The following SFTPD variants were observed in gnomAD, a reference collection of about 807,000 sequenced individuals.
SFTPD encodes surfactant protein D.
A neutral mutation model predicts 34.6 loss-of-function variants in SFTPD; 18 were observed. The observed-to-expected ratio is 0.52, with a 90% CI of 0.36 to 0.77. SFTPD has a LOEUF of 0.77. SFTPD is among the 30% of genes least tolerant of loss of function. The pLI is 0.00. For synonymous variants in SFTPD, 155 were observed against 180.9 expected (o/e 0.86, Z 1.15); for missense variants, 433 against 468.9 (o/e 0.92, Z 0.71).
intron 1 of SFTPD, among the ~76,000 whole-genome samples, chr10:79,980,341 C>T (rs1359686582): frequency 2.6e-5 from 4 of 152,062 alleles, no homozygotes; most frequent in Non-Finnish European, 5.9e-5. Context: ...AATCCCAGGC[C>T]CTAGCTCCGA....
At chr10:79,977,237 G>T (rs759525089) in intron 1 of SFTPD, among the ~76,000 whole-genome samples, 2 of 152,176 alleles carry the variant, frequency 1.3e-5, no homozygotes, top group Non-Finnish European at 2.9e-5. Context: ...TCTGCAATTA[G>T]TGACCCTCAA....
chr10:79,939,853 C>T (rs1328526712), intron 7 of SFTPD, among the ~76,000 whole-genome samples: 4 of 152,038 alleles, frequency 2.6e-5, no homozygotes, highest in Non-Finnish European at 2.9e-5. Flanking sequence ...TCAGGAAAGG[C>T]GGAGGAGAGT....
intron 7 of SFTPD, among the ~76,000 whole-genome samples, 175 bp downstream of exon 7, chr10:79,940,530 A>G (rs1842600338): frequency 6.6e-6 from 1 of 152,062 alleles, no homozygotes; most frequent in East Asian, 1.9e-4. Context: ...ACCCCCTGCC[A>G]CAGTCCCAGG....
chr10:79,942,450 C>T lies in SFTPD; in HGVS notation c.371G>A (p.Gly124Glu), dbSNP rs1842623329. 1.9e-6 allele frequency: 3 copies of T among 1,613,494 alleles called. No homozygotes were observed. Among genetic ancestry groups the T allele is most frequent in the Non-Finnish European group, 2.5e-6 (3 of 1,179,616 alleles). Reference protein sequence around the residue: ...PGPAGREGPLGKQGNIGPQGK... With the variant: ...PGPAGREGPLEKQGNIGPQGK... ...CTGAGGTCCTATGTTCCCCTGCTTC[C>T]CCAGGGGACCTTCTCTTCCAGCTGG... Residue 124 changes from glycine to glutamate, a missense_variant, in exon 4 of 8, where the codon GGG (glycine) becomes GAG (glutamate). Gly to Glu is a moderately conservative substitution (Grantham distance 98). Coordinates refer to ENST00000372292, the MANE Select transcript of SFTPD (RefSeq NM_003019.5).
At chr10:79,953,140 G>A (rs906436188), upstream of SFTPD, among the ~76,000 whole-genome samples, 7 of 152,322 alleles carry the variant, frequency 4.6e-5, no homozygotes, top group Admixed American at 3.3e-4. Context: ...TTGTTCTGAG[G>A]AGAACTGGTG....
intron 7 of SFTPD, among the ~76,000 whole-genome samples, chr10:79,939,969 C>CTG (rs17878650): frequency 6.6e-6 from 1 of 151,278 alleles, no homozygotes; most frequent in African/African-American, 2.4e-5. Context: ...AGGGCAAAGT[C>CTG]TGCTTTAAAA....
rs1842625647 is a variant in SFTPD, at chr10:79,942,629, A to G, written c.317-125T>C. ...TGTTGTCCTCCCAACAGCAGGTCCC[A>G]TCTGTCCTGAAATGACCCAGTGCCA... On this transcript the variant is annotated intron_variant, in intron 3 of 7. Coordinates refer to ENST00000372292, the MANE Select transcript of SFTPD (RefSeq NM_003019.5). 2.5e-5 allele frequency: 23 copies of G among 915,648 alleles called. No individual in the cohort carries two copies. In the South Asian group the frequency reaches 3.2e-4, roughly 13 times the overall value. 56.7% of individuals were successfully genotyped at this position (915,648 alleles called of 1,614,324 possible).
intron 1 of SFTPD, among the ~76,000 whole-genome samples, chr10:79,954,855 C>A (rs187864819): frequency 5.6e-4 from 86 of 152,268 alleles, no homozygotes; most frequent in African/African-American, 1.9e-3. Flanking sequence ...GAGTCTAAAA[C>A]CCCTGGTGGC....
At chr10:79,953,420 G>A (rs201292336), upstream of SFTPD, among the ~76,000 whole-genome samples, 1 of 93,574 alleles carries the variant, frequency 1.1e-5, no homozygotes, top group African/African-American at 3.7e-5. Context: ...ATTGACAGGT[G>A]GGTTTTTTTT....
intron 1 of SFTPD, among the ~76,000 whole-genome samples, chr10:79,956,439 GT>G (rs1842738671): frequency 6.6e-6 from 1 of 152,264 alleles, no homozygotes; most frequent in South Asian, 2.1e-4. Context: ...GGAAAATCGG[GT>G]CACTCCCACC....
chr10:79,978,722 C>CA (rs1414730265), intron 1 of SFTPD, among the ~76,000 whole-genome samples: 3 of 136,868 alleles, frequency 2.2e-5, no homozygotes, highest in Non-Finnish European at 4.7e-5. Context: ...CCTTATATGA[C>CA]AAATCTACAG....
intron 1 of SFTPD, among the ~76,000 whole-genome samples, chr10:79,964,715 C>T (rs1842794051): frequency 6.6e-6 from 1 of 152,096 alleles, no homozygotes; most frequent in Non-Finnish European, 1.5e-5. Context: ...TACTACTCCT[C>T]AGGAACTTGT....
intron 1 of SFTPD, chr10:79,968,878 A>T (rs1304521163): frequency 2.6e-5 from 4 of 152,066 alleles, no homozygotes; most frequent in Admixed American, 2.0e-4. Context: ...GACTGGTGTA[A>T]GATGGTATCT....
At chr10:79,947,616 G>A (rs1035290263) in intron 1 of SFTPD, among the ~76,000 whole-genome samples, 2 of 152,144 alleles carry the variant, frequency 1.3e-5, no homozygotes, top group African/African-American at 4.8e-5. Context: ...CTTGAACCCG[G>A]GAGGTGGAGG....
intron 1 of SFTPD, among the ~76,000 whole-genome samples, chr10:79,961,037 C>T (rs1319730413): frequency 6.6e-6 from 1 of 152,128 alleles, no homozygotes; most frequent in African/African-American, 2.4e-5. Context: ...CAAAAACAAG[C>T]AATGGGGAAA....
chr10:79,938,040 T>C lies in SFTPD; in HGVS notation c.940A>G (p.Ser314Gly), dbSNP rs1233114632. 5 of 1,613,952 alleles carry C rather than the reference T, an allele frequency of 3.1e-6. No homozygotes were observed. Among genetic ancestry groups the C allele is most frequent in the Non-Finnish European group, 4.2e-6 (5 of 1,179,940 alleles). Residue 314 changes from serine (S) to glycine (G), a missense_variant, in exon 8 of 8, where the codon AGC becomes GGC. Coordinates refer to ENST00000372292, the MANE Select transcript of SFTPD (RefSeq NM_003019.5). ...CCCTCTGTCTTGGAATCAGTCATGCTCAGGAAAGCAGCCTCGTTCTTAGCT... is the reference window on the plus strand; with the variant it reads ...CCCTCTGTCTTGGAATCAGTCATGCCCAGGAAAGCAGCCTCGTTCTTAGCT... ...VVAKNEAAFL[S>G]MTDSKTEGKF...
intron 1 of SFTPD, among the ~76,000 whole-genome samples, chr10:79,954,339 C>A: frequency 6.6e-6 from 1 of 152,146 alleles, no homozygotes; most frequent in Non-Finnish European, 1.5e-5. Flanking sequence ...AGCAGACAAC[C>A]CGCTGTTGGT....
chr10:79,957,551 T>C (rs1450665920), intron 1 of SFTPD, among the ~76,000 whole-genome samples: 1 of 151,904 alleles, frequency 6.6e-6, no homozygotes, highest in Non-Finnish European at 1.5e-5. Flanking sequence ...AGGGTATCAG[T>C]GATGGAAGAT....
intron 1 of SFTPD, among the ~76,000 whole-genome samples, chr10:79,976,562 A>G (rs1055170394): frequency 6.6e-6 from 1 of 152,192 alleles, no homozygotes. Context: ...GGCTGGAAAA[A>G]AAGGGCTTTT....
Sources: allele counts gnomAD v4.1 joint callset (sites outside exome capture counted in the v4.1 genomes callset), GRCh38; gene constraint gnomAD v4.1.1; transcripts MANE v1.5; gene names NCBI Gene and HGNC (gene_info 2026-07-23, HGNC 2026-07-21).